The following MACROD1 variants were observed in gnomAD, a reference collection of about 807,000 sequenced individuals.
MACROD1 encodes the protein ADP-ribose glycohydrolase MACROD1.
MACROD1 carries 31 observed loss-of-function variants against 41.4 expected under a neutral mutation model. The ratio of observed to expected loss-of-function variants is 0.75; its 90% confidence interval spans 0.56 to 1.01. The LOEUF (loss-of-function observed/expected upper bound fraction) is 1.01, where lower values mean the gene tolerates loss of function less well. MACROD1 is among the 50% of genes least tolerant of loss of function. MACROD1 has a pLI of 0.00. For missense variants in MACROD1, 473 were observed against 460.0 expected, an observed-to-expected ratio of 1.03 and a Z score of -0.26; for synonymous variants, 252 against 203.4, an observed-to-expected ratio of 1.24 and a Z score of -2.03.
At chr11:64,021,764 G>A (rs1406890987) in intron 3 of MACROD1, among the ~76,000 whole-genome samples, 5 of 152,010 alleles carry the variant, frequency 3.3e-5, no homozygotes, top group Non-Finnish European at 5.9e-5. Context: ...CAAGTGTGCA[G>A]CCAGCCCCAC....
intron 3 of MACROD1, among the ~76,000 whole-genome samples, chr11:64,062,342 G>C (rs147840957): frequency 2.0e-5 from 3 of 152,284 alleles, no homozygotes; most frequent in African/African-American, 7.2e-5. Flanking sequence ...GGAGTCCTGC[G>C]TCTGTGGCTG....
chr11:64,117,499 C>G, intron 3 of MACROD1: 1 of 1,610,396 alleles, frequency 6.2e-7, no homozygotes, highest in Non-Finnish European at 8.5e-7. Context: ...TCCCTGTTTA[C>G]CCTCAAGGCC....
At chr11:64,098,173 C>T (rs913736558) in intron 3 of MACROD1, among the ~76,000 whole-genome samples, 5 of 152,202 alleles carry the variant, frequency 3.3e-5, no homozygotes, top group South Asian at 2.1e-4. Flanking sequence ...AGTCTGGTCA[C>T]GCTCCTCCAT....
At chr11:64,063,868 C>G (rs1177943829) in intron 3 of MACROD1, among the ~76,000 whole-genome samples, 1 of 152,226 alleles carries the variant, frequency 6.6e-6, no homozygotes, top group Non-Finnish European at 1.5e-5. Flanking sequence ...CGCTTTCTCC[C>G]CAGCCCCAGA....
At chr11:64,016,172 C>T (rs1943079167) in intron 3 of MACROD1, among the ~76,000 whole-genome samples, 1 of 152,228 alleles carries the variant, frequency 6.6e-6, no homozygotes. Context: ...GGCTGCCCCT[C>T]GCCACCATGC....
intron 1 of MACROD1, among the ~76,000 whole-genome samples, chr11:64,156,778 G>A (rs1436315241): frequency 1.3e-5 from 2 of 152,170 alleles, no homozygotes; most frequent in African/African-American, 4.8e-5. Context: ...CAGCTGGCTG[G>A]GCGCCGACCT....
At chr11:64,109,403 C>T (rs1007095497) in intron 3 of MACROD1, among the ~76,000 whole-genome samples, 2 of 152,102 alleles carry the variant, frequency 1.3e-5, no homozygotes, top group Admixed American at 6.5e-5. Context: ...CTGGGAAACC[C>T]GGGAGGCTGC....
At chr11:64,094,989 C>A (rs944158414) in intron 3 of MACROD1, among the ~76,000 whole-genome samples, 3 of 152,182 alleles carry the variant, frequency 2.0e-5, no homozygotes, top group Non-Finnish European at 4.4e-5. Context: ...TTAGCTGTGG[C>A]TTCAAAGAGC....
intron 3 of MACROD1, among the ~76,000 whole-genome samples, chr11:64,083,658 A>G (rs955071497): frequency 6.6e-6 from 1 of 152,256 alleles, no homozygotes; most frequent in Non-Finnish European, 1.5e-5. Flanking sequence ...TGAGATGCCA[A>G]CGCCGGGTCA....
chr11:64,073,489 G>C (rs1485321436), intron 3 of MACROD1, among the ~76,000 whole-genome samples: 4 of 152,252 alleles, frequency 2.6e-5, no homozygotes, highest in African/African-American at 7.2e-5. Context: ...GAAACTGGAG[G>C]TTGGTGGAAG....
Position 64,152,377 on chromosome 11 carries a change from C to T in MACROD1, c.315G>A (p.Leu105=). The T allele has an allele frequency of 6.2e-7, 1 of 1,614,222 alleles. No homozygotes were observed. The highest frequency in any genetic ancestry group is 8.5e-7 in the Non-Finnish European group (1 of 1,180,024). ...AATGTTCCTCCCGCTGCTTGTCACT[C>T]AGGCCCTTCAGAAAGGCTGCAGAGG... ...WKEAKSFLKG[L]SDKQREEHYF... The change falls in exon 2 of 11, where the codon CTG becomes CTA. Residue 105 remains leucine (L), a synonymous_variant. Transcript: ENST00000255681.
chr11:64,118,033 C>T (rs1945025197), intron 3 of MACROD1: 1 of 1,613,534 alleles, frequency 6.2e-7, no homozygotes, highest in African/African-American at 1.3e-5. Flanking sequence ...CGGGAGAGGG[C>T]CTACAACCGG....
At chr11:64,156,145 T>C (rs942401292) in intron 1 of MACROD1, among the ~76,000 whole-genome samples, 3 of 144,548 alleles carry the variant, frequency 2.1e-5, no homozygotes, top group African/African-American at 7.7e-5. Flanking sequence ...CTGAGCGTGG[T>C]GGACATGTGC....
chr11:64,008,386 G>A (rs1050928169), intron 4 of MACROD1, among the ~76,000 whole-genome samples: 1 of 151,466 alleles, frequency 6.6e-6, no homozygotes, highest in Non-Finnish European at 1.5e-5. Context: ...GGGAGTCTGC[G>A]GTGGGGCCTG....
chr11:64,034,173 C>T, intron 3 of MACROD1, among the ~76,000 whole-genome samples: 1 of 152,150 alleles, frequency 6.6e-6, no homozygotes, highest in East Asian at 1.9e-4. Flanking sequence ...GAGCCACACG[C>T]CAAGTGCTGG....
intron 4 of MACROD1, among the ~76,000 whole-genome samples, chr11:64,003,716 G>C (rs1367479682): frequency 1.3e-5 from 2 of 152,196 alleles, no homozygotes; most frequent in Non-Finnish European, 2.9e-5. Context: ...TGGAAGGTTG[G>C]GCTCCCAACC....
intron 3 of MACROD1, among the ~76,000 whole-genome samples, chr11:64,098,694 G>A (rs1204053668): frequency 6.6e-6 from 1 of 152,182 alleles, no homozygotes; most frequent in Admixed American, 6.5e-5. Context: ...CAAAATGAAA[G>A]AAAATCCTGG....
intron 3 of MACROD1, among the ~76,000 whole-genome samples, chr11:64,114,045 T>C (rs1287296154): frequency 1.4e-5 from 2 of 147,058 alleles, no homozygotes; most frequent in African/African-American, 2.6e-5. Context: ...GGTGGATGCA[T>C]GGGTTGATGC....
chr11:64,032,230 G>A (rs536116904), intron 3 of MACROD1, among the ~76,000 whole-genome samples: 15 of 152,352 alleles, frequency 9.8e-5, no homozygotes, highest in African/African-American at 3.6e-4. Flanking sequence ...GTTGACCACA[G>A]TCTAATAATG....
Sources: gnomAD v4.1 joint callset for allele counts (sites outside exome capture counted in the v4.1 genomes callset) on GRCh38, gnomAD v4.1.1 for gene constraint, MANE v1.5 for transcripts, NCBI Gene and HGNC (gene_info 2026-07-23, HGNC 2026-07-21) for gene names.